Variants in SPTY2D1 observed in about 807,000 individuals in gnomAD.
SPTY2D1 encodes protein SPT2 homolog.
A neutral mutation model predicts 64.0 loss-of-function variants in SPTY2D1; 21 were observed. That is an observed-to-expected ratio of 0.33 (90% CI 0.23 to 0.47). The LOEUF (loss-of-function observed/expected upper bound fraction) is 0.47. Among genes scored for constraint, SPTY2D1 ranks in the 20% least tolerant of loss-of-function variants. SPTY2D1 has a pLI of 1.00. For synonymous variants in SPTY2D1, 287 were observed against 286.8 expected (o/e 1.00, Z -0.01); for missense variants, 724 against 837.2 (o/e 0.86, Z 1.67).
intron 1 of SPTY2D1, among the ~76,000 whole-genome samples, chr11:18,631,292 G>A (rs1264194286): frequency 1.3e-5 from 2 of 152,212 alleles, no homozygotes; most frequent in East Asian, 1.9e-4. Flanking sequence ...TTTCAAGACA[G>A]GCCTGGCTCA....
rs142056163 is a variant in SPTY2D1 at position 18,621,494 on chromosome 11, G to A, written c.61-4505C>T. On this transcript the variant is annotated intron_variant, in intron 1 of 5. Transcript: ENST00000336349. The stretch of plus-strand genomic sequence containing the variant: ...AGGCTACTTTTAGCTTTTTTTCAAA[G>A]TATACACCTATTCTCATCAATTTAT... Among the ~76,000 whole-genome samples the A allele has an allele frequency of 3.3e-3, 498 of 152,152 alleles. 3 individuals are homozygous for A. The highest frequency in any genetic ancestry group is 0.012 in the African/African-American group (486 of 41,542).
At chr11:18,619,387 G>A (rs1181576964) in intron 1 of SPTY2D1, among the ~76,000 whole-genome samples, 1 of 151,540 alleles carries the variant, frequency 6.6e-6, no homozygotes, top group Non-Finnish European at 1.5e-5. Flanking sequence ...AGGAGGCTGA[G>A]GCGGGAGGAC....
rs1342629640 is a variant in SPTY2D1, at chr11:18,609,426, G to A, written c.*435C>T. The stretch of plus-strand genomic sequence containing the variant: ...GCTGGCAACATTCATGGAAGGTCCA[G>A]GTTTCTCATAAAAAGACTAAGTTTG... On this transcript the variant is annotated 3_prime_UTR_variant, in exon 6 of 6. Coordinates refer to ENST00000336349, the MANE Select transcript of SPTY2D1 (RefSeq NM_194285.3). 6.2e-6 allele frequency: 1 copy of A among 161,102 alleles called. No individual in the cohort carries two copies. The highest frequency in any genetic ancestry group is 1.4e-5 in the Non-Finnish European group (1 of 72,958). The allele number at this position is 161,102 out of a possible 1,614,324, so 10.0% of individuals were successfully genotyped here. A position where few individuals can be genotyped will look rare whatever the true frequency, so the allele number is the denominator to read the frequency against.
intron 5 of SPTY2D1, chr11:18,610,348 T>C (rs1023101892): frequency 6.0e-6 from 1 of 167,410 alleles, no homozygotes; most frequent in East Asian, 1.7e-4. Flanking sequence ...GGCTTGAGAC[T>C]GAAGTGAATT....
rs1369254049 is a variant in SPTY2D1, at chr11:18,626,426, AAC to A, written c.60+7770_60+7771del. ...ATGTCATTAAAAAACAAAACAAACA[AAC>A]AAAAAAAAAAAACAGAGTTACTGCC... On this transcript the variant is annotated intron_variant, in intron 1 of 5. Transcript: ENST00000336349. 6.3e-3 allele frequency among the ~76,000 whole-genome samples: 235 copies of A among 37,560 alleles called. 1 individual carries two copies. The highest frequency in any genetic ancestry group is 0.046 in the Admixed American group (108 of 2,342). The allele number at this position is 37,560 out of a possible 152,430, so 24.6% of individuals were successfully genotyped here. A position where few individuals can be genotyped will look rare whatever the true frequency, so the allele number is the denominator to read the frequency against.
At position 18,608,105 on chromosome 11, in the gene SPTY2D1, A is replaced by C. The variant is rs1345155954; in HGVS notation, c.*1756T>G. 1 of 152,654 alleles carries C rather than the reference A, an allele frequency of 6.6e-6. No homozygotes were observed. The highest frequency in any genetic ancestry group is 1.5e-5 in the Non-Finnish European group (1 of 68,044). The allele number at this position is 152,654 out of a possible 1,614,324, so 9.5% of individuals were successfully genotyped here. ...TACATGGGACATCACACTACCCTTAATTTCACTGAAGGTATCTGAAATGGG... is the reference window on the plus strand; with the variant it reads ...TACATGGGACATCACACTACCCTTACTTTCACTGAAGGTATCTGAAATGGG... On this transcript the variant is annotated 3_prime_UTR_variant, in exon 6 of 6. Coordinates refer to ENST00000336349, the MANE Select transcript of SPTY2D1 (RefSeq NM_194285.3).
chr11:18,629,621 T>C (rs16935609), intron 1 of SPTY2D1, among the ~76,000 whole-genome samples: 12,563 of 152,216 alleles, frequency 0.083, 1,376 homozygotes, highest in African/African-American at 0.25. Flanking sequence ...AAAAATCAAG[T>C]GCAAGTTTAC....
At chr11:18,610,598 G>A (rs1854185831) in intron 5 of SPTY2D1, among the ~76,000 whole-genome samples, 1 of 151,076 alleles carries the variant, frequency 6.6e-6, no homozygotes. Flanking sequence ...CCGGGGAGGT[G>A]GGGGTTGCAG....
intron 1 of SPTY2D1, among the ~76,000 whole-genome samples, chr11:18,632,165 A>AG (rs1045936771): frequency 2.8e-4 from 43 of 151,058 alleles, no homozygotes; most frequent in East Asian, 1.2e-3. Flanking sequence ...AAAAAAAAAA[A>AG]AAGAAGAAGA....
intron 1 of SPTY2D1, among the ~76,000 whole-genome samples, chr11:18,629,996 C>T (rs1345017341): frequency 6.6e-6 from 1 of 151,008 alleles, no homozygotes; most frequent in Non-Finnish European, 1.5e-5. Context: ...TGGTGAAACC[C>T]CATCTCTACT....
At chr11:18,613,399 C>T (rs1322375370) in intron 3 of SPTY2D1, among the ~76,000 whole-genome samples, 4 of 152,200 alleles carry the variant, frequency 2.6e-5, no homozygotes. Flanking sequence ...TGTTCTTCTA[C>T]GGTTGTTTTT....
Position 18,606,873 on chromosome 11 carries a change from T to C in SPTY2D1, c.*2988A>G, listed in dbSNP as rs116998730. On this transcript the variant is annotated 3_prime_UTR_variant, in exon 6 of 6. Coordinates refer to ENST00000336349, the MANE Select transcript of SPTY2D1 (RefSeq NM_194285.3). Reference sequence around the variant, plus strand: ...AAAATTTGAGTTCCCACATTCTTTTTTTTTTGACATGGAGTCTCGCTCTGT... The same window carrying C: ...AAAATTTGAGTTCCCACATTCTTTTCTTTTTGACATGGAGTCTCGCTCTGT... 1.8e-3 allele frequency: 647 copies of C among 363,504 alleles called. 3 individuals carry two copies. The highest frequency in any genetic ancestry group is 7.5e-3 in the Middle Eastern group (13 of 1,734). The allele number at this position is 363,504 out of a possible 1,614,324, so 22.5% of individuals were successfully genotyped here.
At chr11:18,633,015 G>C (rs1279847082) in intron 1 of SPTY2D1, among the ~76,000 whole-genome samples, 1 of 152,136 alleles carries the variant, frequency 6.6e-6, no homozygotes, top group Non-Finnish European at 1.5e-5. Flanking sequence ...TCAAAGGTTT[G>C]AGTCTATACC....
At position 18,612,803 on chromosome 11, in the gene SPTY2D1, T is replaced by C. The variant is rs1306698733; in HGVS notation, c.1712-315A>G. Among the ~76,000 whole-genome samples the C allele has an allele frequency of 2.6e-5, 4 of 152,048 alleles. No homozygotes were observed. The highest frequency in any genetic ancestry group is 4.4e-5 in the Non-Finnish European group (3 of 67,988). ...TTTTTTGAGACAGAGTTTCACTTGTTGCCTAGGCTGGAGTGCAATGGTGCG... is the reference window on the plus strand; with the variant it reads ...TTTTTTGAGACAGAGTTTCACTTGTCGCCTAGGCTGGAGTGCAATGGTGCG... On this transcript the variant is annotated intron_variant, in intron 3 of 5. Transcript: ENST00000336349. The surrounding 1 kb of genome is among the most constrained non-coding windows in gnomAD (Gnocchi z 4.6).
chr11:18,610,645 G>A (rs1266652802), intron 5 of SPTY2D1, among the ~76,000 whole-genome samples: 3 of 133,646 alleles, frequency 2.2e-5, no homozygotes, highest in East Asian at 2.3e-4. Context: ...CAGCCTTGGC[G>A]ACAGAGCAAG....
Position 18,614,753 on chromosome 11 carries a change from A to T in SPTY2D1, c.1521T>A (p.Ser507Arg). The T allele has an allele frequency of 6.2e-7, 1 of 1,613,516 alleles. No homozygotes were observed. The highest frequency in any genetic ancestry group is 1.3e-5 in the African/African-American group (1 of 75,062). The change falls in exon 3 of 6, where the codon AGT (serine) becomes AGA (arginine). Residue 507 changes from serine (S) to arginine (R), a missense_variant. Around this residue, in one of 3 missense-constraint regions of SPTY2D1, gnomAD observed 426 missense variants for 431.8 expected, o/e 0.99. Transcript: ENST00000336349. Reference protein sequence around the residue: ...SGSIPAGRTVSNSVPGRPVSS... With the variant: ...SGSIPAGRTVRNSVPGRPVSS... ...TCACTGGTCTTCCTGGGACTGAATT[A>T]CTGACAGTCCGTCCAGCTGGAATTG...
chr11:18,611,096 A>G (rs1390830012), intron 5 of SPTY2D1, among the ~76,000 whole-genome samples: 1 of 152,150 alleles, frequency 6.6e-6, no homozygotes, highest in East Asian at 1.9e-4. Context: ...GGACTTTGGG[A>G]CCAGCCTGGA....
Position 18,615,071 on chromosome 11 carries a change from A to T in SPTY2D1, c.1203T>A (p.Asn401Lys), listed in dbSNP as rs754261414. Reference sequence around the variant, plus strand: ...GCTCAGGTCCTGAGCTGGAGCTGCCATTCTGGCGCCTAGGCACAGGGCCAG... The same window carrying T: ...GCTCAGGTCCTGAGCTGGAGCTGCCTTTCTGGCGCCTAGGCACAGGGCCAG... ...VSSGPVPRRQ[N>K]GSSSSGPERS... Residue 401 changes from asparagine (N) to lysine (K), a missense_variant, in exon 3 of 6, where the codon AAT (asparagine) becomes AAA (lysine). By Grantham distance (94) the Asn-to-Lys change is moderately conservative. Transcript: ENST00000336349. 1.2e-6 allele frequency: 2 copies of T among 1,614,070 alleles called. No individual in the cohort carries two copies. The highest frequency in any genetic ancestry group is 1.7e-6 in the Non-Finnish European group (2 of 1,180,048).
At position 18,609,354 on chromosome 11, in the gene SPTY2D1, T is replaced by C. The variant is rs1854157852; in HGVS notation, c.*507A>G. ...CATATGATAGTTATAAATTCTACTC[T>C]ACATTTTCAAGTTCTCAATCCATAG... On this transcript the variant is annotated 3_prime_UTR_variant, in exon 6 of 6. Transcript: ENST00000336349. 6.5e-6 allele frequency: 1 copy of C among 153,564 alleles called. No homozygotes were observed. 9.5% of individuals were successfully genotyped at this position (153,564 alleles called of 1,614,324 possible). A position where few individuals can be genotyped will look rare whatever the true frequency, so the allele number is the denominator to read the frequency against.
Sources: gnomAD v4.1 joint callset for allele counts (sites outside exome capture counted in the v4.1 genomes callset) on GRCh38, gnomAD v4.1.1 for gene constraint, gnomAD v4.1.1 regional missense constraint, Gnocchi (gnomAD v3.1) non-coding constraint, MANE v1.5 for transcripts, NCBI Gene and HGNC (gene_info 2026-07-23, HGNC 2026-07-21) for gene names.